DACH1: variants seen among roughly 807,000 people sequenced by gnomAD.
The protein encoded by DACH1 is dachshund homolog 1.
DACH1 carries 12 observed loss-of-function variants against 54.2 expected under a neutral mutation model. The ratio of observed to expected loss-of-function variants is 0.22; its 90% CI spans 0.14 to 0.36. The LOEUF is 0.36. Ranked by LOEUF, DACH1 falls within the 10% of genes least tolerant of loss-of-function variation. DACH1 has a pLI of 1.00. For missense variants in DACH1, 805 were observed against 929.8 expected (o/e 0.87, Z 1.75); for synonymous variants, 386 against 366.2 (o/e 1.05, Z -0.62).
At chr13:71,621,979 C>A (rs576234158) in intron 3 of DACH1, among the ~76,000 whole-genome samples, 2 of 152,000 alleles carry the variant, frequency 1.3e-5, no homozygotes, top group South Asian at 4.1e-4. Flanking sequence ...TTAAATCCTC[C>A]GTTCTTTCCT....
chr13:71,589,595 T>C (rs1349784485), intron 3 of DACH1, among the ~76,000 whole-genome samples: 1 of 151,958 alleles, frequency 6.6e-6, no homozygotes, highest in Admixed American at 6.5e-5. Context: ...ATTAAAAATG[T>C]GAACATGGTT....
At chr13:71,818,933 G>C (rs1888075668) in intron 1 of DACH1, among the ~76,000 whole-genome samples, 1 of 152,164 alleles carries the variant, frequency 6.6e-6, no homozygotes, top group South Asian at 2.1e-4. Context: ...GAAGGGACCT[G>C]AATCCATCAA....
At chr13:71,550,323 C>T (rs1883727384) in intron 6 of DACH1, among the ~76,000 whole-genome samples, 1 of 152,068 alleles carries the variant, frequency 6.6e-6, no homozygotes. Context: ...TAATGCCAGA[C>T]CCTGTGCTAA....
chr13:71,742,487 G>A (rs374108614), intron 1 of DACH1, among the ~76,000 whole-genome samples: 20 of 151,936 alleles, frequency 1.3e-4, no homozygotes, highest in African/African-American at 4.8e-4. Context: ...AATTTCATTA[G>A]TTAAATATGA....
At chr13:71,588,258 G>T (rs957662648) in intron 3 of DACH1, among the ~76,000 whole-genome samples, 1 of 152,022 alleles carries the variant, frequency 6.6e-6, no homozygotes, top group Non-Finnish European at 1.5e-5. Context: ...CATGTAAAAA[G>T]ACTTGAGTTG....
At chr13:71,795,638 G>A (rs1348211798) in intron 1 of DACH1, among the ~76,000 whole-genome samples, 1 of 152,154 alleles carries the variant, frequency 6.6e-6, no homozygotes, top group Admixed American at 6.6e-5. Flanking sequence ...TCCAGGGGCA[G>A]TATGTGCTAC....
chr13:71,510,002 A>G (rs944986012), intron 6 of DACH1, among the ~76,000 whole-genome samples: 1 of 152,090 alleles, frequency 6.6e-6, no homozygotes, highest in African/African-American at 2.4e-5. Context: ...TGTCCATTAT[A>G]CCAAATCCAA....
At chr13:71,741,210 T>A (rs2137947648) in intron 1 of DACH1, among the ~76,000 whole-genome samples, 1 of 152,296 alleles carries the variant, frequency 6.6e-6, no homozygotes, top group East Asian at 1.9e-4. Context: ...ATGGCGTATT[T>A]GGCAAAATTT....
At chr13:71,496,521 G>C (rs1879456901) in intron 6 of DACH1, among the ~76,000 whole-genome samples, 1 of 151,588 alleles carries the variant, frequency 6.6e-6, no homozygotes, top group African/African-American at 2.4e-5. Context: ...ATGTGTACAA[G>C]GACATAGAGT....
intron 6 of DACH1, among the ~76,000 whole-genome samples, chr13:71,550,229 G>A (rs1252220334): frequency 6.6e-6 from 1 of 152,050 alleles, no homozygotes; most frequent in Non-Finnish European, 1.5e-5. Flanking sequence ...AGTAGTAATG[G>A]TTTCCATTGG....
chr13:71,754,421 T>C (rs1428000901), intron 1 of DACH1, among the ~76,000 whole-genome samples: 1 of 152,176 alleles, frequency 6.6e-6, no homozygotes, highest in Admixed American at 6.5e-5. Context: ...CTTTAGAAGA[T>C]ATGGGAGTTG....
At position 71,462,813 on chromosome 13, in the gene DACH1, A is replaced by G. The variant is rs190629545; in HGVS notation, c.2083+12328T>C. On this transcript the variant is annotated intron_variant, in intron 10 of 10. Transcript: ENST00000613252. ...CTTGGTATTATACTTAGTATTATAC[A>G]GTTAACAGCAGCATGGGAATTTGAA... is the stretch of plus-strand genomic sequence containing the variant. Among the ~76,000 whole-genome samples the G allele has an allele frequency of 4.9e-3, 738 of 151,930 alleles. 5 individuals are homozygous for G. Among genetic ancestry groups the G allele is most frequent in the Non-Finnish European group, 7.6e-3 (515 of 67,844 alleles).
rs879169540 is a variant in DACH1 at position 71,675,036 on chromosome 13, G to A, written c.964+6759C>T. 7 of 836,078 alleles carry A rather than the reference G, an allele frequency of 8.4e-6. No individual in the cohort carries two copies. The African/African-American group carries it at 1.0e-4, about 12-fold the overall frequency. 51.8% of individuals were successfully genotyped at this position (836,078 alleles called of 1,614,324 possible). A position where few individuals can be genotyped will look rare whatever the true frequency, so the allele number is the denominator to read the frequency against. On this transcript the variant is annotated intron_variant, in intron 2 of 10. Transcript: ENST00000613252. The stretch of plus-strand genomic sequence containing the variant: ...CTCGCCGAGCTCCAGCCGAAGAGAA[G>A]GGGGGTAAGTAAGGAGGTCTCTGTA...
chr13:71,734,998 G>C (rs868421534), intron 1 of DACH1, among the ~76,000 whole-genome samples: 120 of 138,564 alleles, frequency 8.7e-4, no homozygotes, highest in Middle Eastern at 4.6e-3. Context: ...TATATATACA[G>C]ACACAGGATA....
intron 1 of DACH1, among the ~76,000 whole-genome samples, chr13:71,693,920 G>A (rs1881670055): frequency 1.3e-5 from 2 of 152,042 alleles, no homozygotes; most frequent in African/African-American, 4.8e-5. Context: ...CATGGGTAAA[G>A]GGGATTACTG....
chr13:71,654,631 A>C (rs1464250217), intron 2 of DACH1, among the ~76,000 whole-genome samples: 1 of 152,052 alleles, frequency 6.6e-6, no homozygotes, highest in African/African-American at 2.4e-5. Context: ...ACTGACCCAC[A>C]TGTCCAAGTG....
chr13:71,657,518 AT>A (rs2138642514), intron 2 of DACH1, among the ~76,000 whole-genome samples: 1 of 137,282 alleles, frequency 7.3e-6, no homozygotes, highest in Admixed American at 7.7e-5. Flanking sequence ...AAAAAAGTTT[AT>A]TTTTATTCTT....
At chr13:71,591,175 G>A (rs1427322475) in intron 3 of DACH1, among the ~76,000 whole-genome samples, 3 of 151,752 alleles carry the variant, frequency 2.0e-5, no homozygotes, top group South Asian at 2.1e-4. Context: ...TGTTGCGACC[G>A]GCCTCAATTT....
chr13:71,639,795 C>G (rs1877758944), intron 2 of DACH1, among the ~76,000 whole-genome samples: 2 of 151,954 alleles, frequency 1.3e-5, no homozygotes, highest in Non-Finnish European at 2.9e-5. Flanking sequence ...GAAACGTAAT[C>G]AATAAAAACT....
Sources: allele counts gnomAD v4.1 joint callset (sites outside exome capture counted in the v4.1 genomes callset), GRCh38; gene constraint gnomAD v4.1.1; transcripts MANE v1.5; gene names NCBI Gene and HGNC (gene_info 2026-07-23, HGNC 2026-07-21).